The following FLG variants were observed in gnomAD, a reference collection of about 807,000 sequenced individuals.
FLG encodes the protein epidermal filaggrin.
Under a neutral mutation model 3.8 loss-of-function variants are expected in FLG, and 6 were observed. The ratio of observed to expected loss-of-function variants is 1.60; its 90% confidence interval spans 0.87 to 3.15. FLG has a LOEUF of 3.15. Among genes scored for constraint, FLG ranks in the 30% most tolerant of loss-of-function variants. The pLI is 0.00. For missense variants in FLG, 7,595 were observed against 5,050.9 expected (o/e 1.50, Z -15.27); for synonymous variants, 2,551 against 1,931.6 (o/e 1.32, Z -8.41).
chr1:152,314,023 C>T lies in FLG; in HGVS notation c.863G>A (p.Arg288Lys). 1 of 1,614,152 alleles carries T rather than the reference C, an allele frequency of 6.2e-7. No homozygotes were observed. The highest frequency in any genetic ancestry group is 8.5e-7 in the Non-Finnish European group (1 of 1,180,022). ...TCTGGATCCCCTACGCTTTCTTGTC[C>T]TGGACTCCTGCAATGGTACCTGGCT... ...NTSQVPLQES[R>K]TRKRRGSRVS... Residue 288 changes from arginine (R) to lysine (K), a missense_variant, in exon 3 of 3, where the codon AGG (arginine) becomes AAG (lysine). Coordinates refer to ENST00000368799, the MANE Select transcript of FLG (RefSeq NM_002016.2).
Position 152,310,095 on chromosome 1 carries a change from G to T in FLG, c.4791C>A (p.Asp1597Glu), listed in dbSNP as rs756413380. Residue 1597 changes from aspartate to glutamate, a missense_variant, in exon 3 of 3, where the codon GAC (aspartate) becomes GAA (glutamate). Transcript: ENST00000368799. The stretch of plus-strand genomic sequence containing the variant: ...CTTCTGAGTGTCCCTCACTGTCCCT[G>T]TCCTGACTAACACTGGATCCCTGGC... ...SRRQGSSVSQ[D>E]RDSEGHSEDS... 1.9e-6 allele frequency: 3 copies of T among 1,613,966 alleles called. No individual in the cohort carries two copies. In the South Asian group the frequency reaches 3.3e-5, roughly 18 times the overall value.
intron 1 of FLG, among the ~76,000 whole-genome samples, chr1:152,323,136 G>C (rs969792351): frequency 2.0e-5 from 3 of 151,508 alleles, no homozygotes; most frequent in African/African-American, 7.3e-5. Flanking sequence ...AATGGTGCTG[G>C]GTTAATTGAA....
Position 152,304,467 on chromosome 1 carries a change from A to C in FLG, c.10419T>G (p.Ser3473=). 1 of 1,612,708 alleles carries C rather than the reference A, an allele frequency of 6.2e-7. No individual in the cohort carries two copies. The change falls in exon 3 of 3, where the codon TCT becomes TCG. Residue 3473 remains serine, a synonymous_variant. Coordinates refer to ENST00000368799, the MANE Select transcript of FLG (RefSeq NM_002016.2). ...ATCCTGACTGCCCACGGGAGGCATC[A>C]GACCTTCCCTGGGATGTGGTGTGGC... is the stretch of plus-strand genomic sequence containing the variant. ...HHSHTTSQGR[S]DASRGQSGSR...
In FLG at chr1:152,312,689, C is replaced by G. The variant is rs757077205; in HGVS notation, c.2197G>C (p.Ala733Pro). 9 of 1,614,014 alleles carry G rather than the reference C, an allele frequency of 5.6e-6. No individual in the cohort carries two copies. The highest frequency in any genetic ancestry group is 7.6e-6 in the Non-Finnish European group (9 of 1,180,018). ...CCTCGGTGTCCACTGTCTCTGACTGCAGATGAAGCTTGTCCGTGCCCAGTG... is the reference window on the plus strand; with the variant it reads ...CCTCGGTGTCCACTGTCTCTGACTGGAGATGAAGCTTGTCCGTGCCCAGTG... ...SGTGHGQASS[A>P]VRDSGHRGSS... The change falls in exon 3 of 3, where the codon GCA becomes CCA. Residue 733 changes from alanine (A) to proline (P), a missense_variant. Coordinates refer to ENST00000368799, the MANE Select transcript of FLG (RefSeq NM_002016.2).
In FLG at chr1:152,302,874, A is replaced by T; in HGVS notation, c.12012T>A (p.Asn4004Lys). Residue 4004 changes from asparagine (N) to lysine (K), a missense_variant, in exon 3 of 3, where the codon AAT becomes AAA. Coordinates refer to ENST00000368799, the MANE Select transcript of FLG (RefSeq NM_002016.2). ...CAGATCTTTCCTTGAAAACAACAGG[A>T]TTGGAATTGTAACTAACACTTCCGT... ...SQHGSVSYNS[N>K]PVVFKERSDI... The T allele has an allele frequency of 6.2e-7, 1 of 1,614,188 alleles. No individual in the cohort carries two copies. Among genetic ancestry groups the T allele is most frequent in the Non-Finnish European group, 8.5e-7 (1 of 1,180,026 alleles).
At position 152,311,137 on chromosome 1, in the gene FLG, G is replaced by C. The variant is rs202210328; in HGVS notation, c.3749C>G (p.Ser1250Ter). The C allele has an allele frequency of 1.9e-5, 31 of 1,613,874 alleles. No homozygotes were observed. The highest frequency in any genetic ancestry group is 2.6e-5 in the Non-Finnish European group (31 of 1,179,990). ...CGATGATTGTTCCTGTCCCACCTGT[G>C]AGTGTCTAGAGCTGTCAGCCCAAGA... ...AASWADSSRH[S>*]QVGQEQSSGS... Residue 1250 changes from serine (S) to a stop codon, truncating the protein, a stop_gained, in exon 3 of 3, where the codon TCA becomes TGA. Coordinates refer to ENST00000368799, the MANE Select transcript of FLG (RefSeq NM_002016.2). LOFTEE classifies it low-confidence loss of function (END_TRUNC).
chr1:152,313,753 G>C lies in FLG; in HGVS notation c.1133C>G (p.Ser378Ter), dbSNP rs755134998. The change falls in exon 3 of 3, where the codon TCA (serine) becomes TGA (stop). Residue 378 changes from serine (S) to a stop codon, truncating the protein, a stop_gained. Transcript: ENST00000368799. LOFTEE classifies it low-confidence loss of function (END_TRUNC). Reference protein sequence around the residue: ...QTASSHEQARSSPGERHGSGH... With the variant: ...QTASSHEQAR ...GGATCCATGTCTTTCTCCTGGACTTGATCTTGCCTGTTCATGGGATGATGC... is the reference window on the plus strand; with the variant it reads ...GGATCCATGTCTTTCTCCTGGACTTCATCTTGCCTGTTCATGGGATGATGC... 3.7e-6 allele frequency: 6 copies of C among 1,613,996 alleles called. No individual in the cohort carries two copies. The East Asian group carries it at 6.7e-5, about 18-fold the overall frequency.
rs113077448 is a variant in FLG at position 152,303,064 on chromosome 1, T to G, written c.11822A>C (p.His3941Pro). Residue 3941 changes from histidine (H) to proline (P), a missense_variant, in exon 3 of 3, where the codon CAC becomes CCC. Physicochemically the swap from His to Pro is moderately conservative, Grantham distance 77. Transcript: ENST00000368799. The part of the protein sequence containing the change: ...FSSLSQDSAY[H>P]SGIQSRGSPH... ...ACTGCCACGTGACTGTATTCCTGAG[T>G]GATACGCAGAATCTTGTGAAAGACT... 1.3e-5 allele frequency: 21 copies of G among 1,614,008 alleles called. No homozygotes were observed. The East Asian group carries it at 3.6e-4, about 27-fold the overall frequency.
At position 152,308,622 on chromosome 1, in the gene FLG, C is replaced by A. The variant is rs751152856; in HGVS notation, c.6264G>T (p.Gly2088=). The change falls in exon 3 of 3, where the codon GGG becomes GGT. Residue 2088 remains glycine, a synonymous_variant. Transcript: ENST00000368799. ...GQSGESSGRS[G]SFLYQVSTHE... is the part of the protein sequence containing the mutation. ...GAGTGCTCACCTGGTAGAGGAAAGA[C>A]CCTGAACGTCCAGAGCTTTCCCCTG... 3 of 1,613,984 alleles carry A rather than the reference C, an allele frequency of 1.9e-6. No individual in the cohort carries two copies. The highest frequency in any genetic ancestry group is 2.2e-5 in the East Asian group (1 of 44,888).
At chr1:152,323,936 TAGTC>T (rs1294372184) in intron 1 of FLG, among the ~76,000 whole-genome samples, 1 of 151,812 alleles carries the variant, frequency 6.6e-6, no homozygotes, top group East Asian at 1.9e-4. Context: ...GATAACATAA[TAGTC>T]AGTGTTGGGA....
rs1652285497 is a variant in FLG at position 152,310,079 on chromosome 1, G to A, written c.4807C>T (p.His1603Tyr). 1.2e-6 allele frequency: 2 copies of A among 1,613,884 alleles called. No individual in the cohort carries two copies. Among genetic ancestry groups the A allele is most frequent in the African/African-American group, 2.7e-5 (2 of 74,856 alleles). ...SVSQDRDSEGHSEDSERRSES... is the reference protein window; with the variant it reads ...SVSQDRDSEGYSEDSERRSES... The stretch of plus-strand genomic sequence containing the variant: ...GACCGCCTCTCAGAGTCTTCTGAGT[G>A]TCCCTCACTGTCCCTGTCCTGACTA... The change falls in exon 3 of 3, where the codon CAC becomes TAC. Residue 1603 changes from histidine to tyrosine, a missense_variant. His to Tyr is a moderately conservative substitution (Grantham distance 83). Transcript: ENST00000368799.
Position 152,303,445 on chromosome 1 carries a change from C to A in FLG, c.11441G>T (p.Arg3814Leu). Residue 3814 changes from arginine (R) to leucine (L), a missense_variant, in exon 3 of 3, where the codon CGT (arginine) becomes CTT (leucine). Arg to Leu is a moderately radical substitution (Grantham distance 102). Transcript: ENST00000368799. ...SGSRSASRETRNEEQSGDGSR... is the reference protein window; with the variant it reads ...SGSRSASRETLNEEQSGDGSR... ...GCCGTCTCCTGACTGTTCCTCATTA[C>A]GTGTTTCTCTGCTTGCACTTCTGGA... 2 of 1,613,676 alleles carry A rather than the reference C, an allele frequency of 1.2e-6. No individual in the cohort carries two copies. The highest frequency in any genetic ancestry group is 1.7e-6 in the Non-Finnish European group (2 of 1,179,922).
chr1:152,313,382 C>T lies in FLG; in HGVS notation c.1504G>A (p.Asp502Asn), dbSNP rs1652598768. ...TGGGACGCTGAATGCCTGGAGCTGT[C>T]TCGTGCCTGCTCGTGGTGCGATCCT... ...RQGSHHEQAR[D>N]SSRHSASQEG... is the part of the protein sequence containing the mutation. Residue 502 changes from aspartate (D) to asparagine (N), a missense_variant, in exon 3 of 3, where the codon GAC (aspartate) becomes AAC (asparagine). Physicochemically the swap from Asp to Asn is conservative, Grantham distance 23. Coordinates refer to ENST00000368799, the MANE Select transcript of FLG (RefSeq NM_002016.2). The T allele has an allele frequency of 1.9e-6, 3 of 1,613,560 alleles. No homozygotes were observed. The highest frequency in any genetic ancestry group is 2.5e-6 in the Non-Finnish European group (3 of 1,179,850).
chr1:152,310,873 G>A lies in FLG; in HGVS notation c.4013C>T (p.Ser1338Phe), dbSNP rs760305066. 5 of 1,614,060 alleles carry A rather than the reference G, an allele frequency of 3.1e-6. No individual in the cohort carries two copies. In the African/African-American group the frequency reaches 4.0e-5, roughly 13 times the overall value. ...ATGGGATGACACAGCCTGTCCATGA[G>A]AGGAAGACTCTGTGTGATGAGTGCC... ...QSGTHHTESS[S>F]HGQAVSSHEQ... The change falls in exon 3 of 3, where the codon TCT (serine) becomes TTT (phenylalanine). Residue 1338 changes from serine (S) to phenylalanine (F), a missense_variant. Coordinates refer to ENST00000368799, the MANE Select transcript of FLG (RefSeq NM_002016.2).
Position 152,312,104 on chromosome 1 carries a change from C to A in FLG, c.2782G>T (p.Ala928Ser), listed in dbSNP as rs766673653. The change falls in exon 3 of 3, where the codon GCA becomes TCA. Residue 928 changes from alanine to serine, a missense_variant. Coordinates refer to ENST00000368799, the MANE Select transcript of FLG (RefSeq NM_002016.2). ...SHADISRHSQAGQGQSEGSRT... is the reference protein window; with the variant it reads ...SHADISRHSQSGQGQSEGSRT... ...GACCCCTCTGATTGTCCCTGGCCTG[C>A]CTGTGAGTGTCTAGAGATGTCGGCA... 2.5e-6 allele frequency: 4 copies of A among 1,614,098 alleles called. No homozygotes were observed. The highest frequency in any genetic ancestry group is 4.5e-5 in the East Asian group (2 of 44,854).
Position 152,303,406 on chromosome 1 carries a change from C to A in FLG, c.11480G>T (p.Gly3827Val), listed in dbSNP as rs746355769. The A allele has an allele frequency of 1.5e-5, 25 of 1,613,994 alleles. No homozygotes were observed. The highest frequency in any genetic ancestry group is 3.3e-4 in the Middle Eastern group (2 of 6,084). The change falls in exon 3 of 3, where the codon GGG (glycine) becomes GTG (valine). Residue 3827 changes from glycine to valine, a missense_variant. By Grantham distance (109) the Gly-to-Val change is moderately radical. Transcript: ENST00000368799. ...EQSGDGSRHS[G>V]SRHHEASTQA... ...AGTGGAAGCTTCATGGTGACGCGAC[C>A]CTGAGTGCCTGGAGCCGTCTCCTGA...
In FLG at chr1:152,314,532, GT is replaced by G; in HGVS notation, c.353del (p.Asn118ThrfsTer76). On this transcript the variant is annotated frameshift_variant, in exon 3 of 3. Transcript: ENST00000368799. LOFTEE classifies it low-confidence loss of function (END_TRUNC). ...TTGAGGGTCTTTTTCTGTTTTCTTT[GT>G]TTTCTTCCTGTTTATTATCTTCATG... ...DKHEDNKQEE[N>X]KENRKRPSSL... 2 of 1,611,226 alleles carry G rather than the reference GT, an allele frequency of 1.2e-6. No individual in the cohort carries two copies. The highest frequency in any genetic ancestry group is 1.7e-6 in the Non-Finnish European group (2 of 1,179,262).
chr1:152,304,889 A>T lies in FLG; in HGVS notation c.9997T>A (p.Trp3333Arg), dbSNP rs766141730. The T allele has an allele frequency of 1.9e-6, 3 of 1,613,504 alleles. No homozygotes were observed. The Admixed American group carries it at 5.0e-5, about 27-fold the overall frequency. ...ASSAVRDSRHWGSSGSQASDS... is the reference protein window; with the variant it reads ...ASSAVRDSRHRGSSGSQASDS... ...CTGGCCTGACTACCACTGGACCCCC[A>T]GTGTCTACTGTCTCTGACTGCAGAT... The change falls in exon 3 of 3, where the codon TGG becomes AGG. Residue 3333 changes from tryptophan to arginine, a missense_variant. Transcript: ENST00000368799.
rs753764535 is a variant in FLG at position 152,313,510 on chromosome 1, C to T, written c.1376G>A (p.Gly459Glu). The change falls in exon 3 of 3, where the codon GGG becomes GAG. Residue 459 changes from glycine (G) to glutamate (E), a missense_variant. Transcript: ENST00000368799. ...AGACCCTGAACGTCCAGACCGTTCC[C>T]CTGACCGGCCACGTGTGGACTCTTG... ...SHQESTRGRS[G>E]ERSGRSGSSL... 1.1e-5 allele frequency: 18 copies of T among 1,613,926 alleles called. No individual in the cohort carries two copies. The highest frequency in any genetic ancestry group is 1.4e-5 in the Non-Finnish European group (17 of 1,179,988).
Sources: gnomAD v4.1 joint callset for allele counts (sites outside exome capture counted in the v4.1 genomes callset) on GRCh38, gnomAD v4.1.1 for gene constraint, MANE v1.5 for transcripts, NCBI Gene and HGNC (gene_info 2026-07-23, HGNC 2026-07-21) for gene names.